Variants in GLT8D1 observed in about 807,000 individuals in gnomAD.
GLT8D1 encodes the protein glycosyltransferase 8 domain containing 1.
Under a neutral mutation model 46.2 loss-of-function variants are expected in GLT8D1, and 41 were observed. The observed-to-expected ratio is 0.89, with a 90% CI of 0.69 to 1.15. The LOEUF (loss-of-function observed/expected upper bound fraction) is 1.15, where lower values mean the gene tolerates loss of function less well. Ranked by LOEUF, GLT8D1 falls within the 50% of genes most tolerant of loss-of-function variation. GLT8D1 has a pLI of 0.00. For synonymous variants in GLT8D1, 150 were observed against 154.2 expected (o/e 0.97, Z 0.20); for missense variants, 408 against 449.3 (o/e 0.91, Z 0.83).
At chr3:52,698,969 G>C (rs2097336843) in intron 3 of GLT8D1, among the ~76,000 whole-genome samples, 1 of 152,120 alleles carries the variant, frequency 6.6e-6, no homozygotes, top group African/African-American at 2.4e-5. Flanking sequence ...CCATCAAAAA[G>C]TCTGAAAGCT....
intron 5 of GLT8D1, 22 bp downstream of exon 5, chr3:52,696,520 A>G: frequency 8.0e-7 from 1 of 1,253,332 alleles, no homozygotes; most frequent in East Asian, 2.3e-5. Flanking sequence ...GCCAAGTGCA[A>G]AGAAGGATGC....
At chr3:52,699,888 C>T (rs568198829) in intron 3 of GLT8D1, among the ~76,000 whole-genome samples, 57 of 152,200 alleles carry the variant, frequency 3.7e-4, no homozygotes, top group Non-Finnish European at 6.8e-4. Flanking sequence ...ATATACTGTG[C>T]GATATATTAT....
chr3:52,695,370 T>C (rs759453371), intron 8 of GLT8D1, 51 bp downstream of exon 8: 8 of 1,585,600 alleles, frequency 5.0e-6, no homozygotes, highest in African/African-American at 1.3e-5. Flanking sequence ...GTCAAGACTC[T>C]AGGAATTGAA....
chr3:52,700,802 G>A (rs979296180), intron 1 of GLT8D1: 1 of 197,796 alleles, frequency 5.1e-6, no homozygotes, highest in Non-Finnish European at 1.0e-5. Context: ...GCAGGGTCTG[G>A]CCTATAATCC....
At chr3:52,700,177 G>A in intron 3 of GLT8D1, 85 bp downstream of exon 3, 1 of 823,838 alleles carries the variant, frequency 1.2e-6, no homozygotes, top group South Asian at 1.6e-5. Flanking sequence ...AGTACTACCG[G>A]AAGAAGAACA....
In GLT8D1 at chr3:52,700,310, G is replaced by A. The variant is rs1432092749; in HGVS notation, c.67C>T (p.His23Tyr). The change falls in exon 3 of 10, where the codon CAC (histidine) becomes TAC (tyrosine). Residue 23 changes from histidine to tyrosine, a missense_variant. Coordinates refer to ENST00000266014, the MANE Select transcript of GLT8D1 (RefSeq NM_018446.4). ...LAVALFLLVL[H>Y]HNFLSLSSLL... ...CTGCTCAAGCTGAGGAAGTTATGGT[G>A]CAAAACCAGTAAGAAGAGAGCAACA... 6 of 1,613,636 alleles carry A rather than the reference G, an allele frequency of 3.7e-6. No homozygotes were observed. The South Asian group carries it at 6.6e-5, about 18-fold the overall frequency.
At chr3:52,696,735 C>A (rs2097334057) in intron 4 of GLT8D1, 76 bp from the exon 5 acceptor site, 2 of 811,256 alleles carry the variant, frequency 2.5e-6, no homozygotes, top group Non-Finnish European at 4.2e-6. Flanking sequence ...CAAAAGAAAC[C>A]CTATGGACCA....
intron 4 of GLT8D1, 149 bp downstream of exon 4, chr3:52,697,571 TA>T (rs910851510): frequency 7.6e-5 from 50 of 656,372 alleles, no homozygotes; most frequent in Admixed American, 1.4e-4. Flanking sequence ...AATACAGTCC[TA>T]AAAAAAATAT....
At chr3:52,698,289 A>C (rs898529218) in intron 3 of GLT8D1, among the ~76,000 whole-genome samples, 1 of 152,236 alleles carries the variant, frequency 6.6e-6, no homozygotes, top group African/African-American at 2.4e-5. Context: ...CAGCAAACTA[A>C]ATCAATGTTT....
At chr3:52,702,149 TA>T (rs2097339891) in intron 1 of GLT8D1, among the ~76,000 whole-genome samples, 1 of 152,206 alleles carries the variant, frequency 6.6e-6, no homozygotes, top group Non-Finnish European at 1.5e-5. Context: ...ACAGACAAAG[TA>T]AGTTTGAATT....
At position 52,694,901 on chromosome 3, in the gene GLT8D1, G is replaced by C; in HGVS notation, c.1060C>G (p.Pro354Ala). 4 of 1,611,654 alleles carry C rather than the reference G, an allele frequency of 2.5e-6. No homozygotes were observed. Among genetic ancestry groups the C allele is most frequent in the Non-Finnish European group, 3.4e-6 (4 of 1,177,730 alleles). The change falls in exon 10 of 10, where the codon CCA becomes GCA. Residue 354 changes from proline (P) to alanine (A), a missense_variant. By Grantham distance (27) the Pro-to-Ala change is conservative. Coordinates refer to ENST00000266014, the MANE Select transcript of GLT8D1 (RefSeq NM_018446.4). ...DVWEKWYIPDPTGKFNLIRRY... is the reference protein window; with the variant it reads ...DVWEKWYIPDATGKFNLIRRY... The stretch of plus-strand genomic sequence containing the variant: ...CGGATTAGGTTGAATTTGCCTGTTG[G>C]GTCTGGAATATACCATTTTTCCCAA...
intron 6 of GLT8D1, 51 bp downstream of exon 6, chr3:52,696,183 A>G (rs944044791): frequency 3.1e-6 from 4 of 1,306,558 alleles, no homozygotes; most frequent in Non-Finnish European, 4.4e-6. Context: ...TTATTTAGCA[A>G]TTGTACCCAA....
At chr3:52,695,108 C>T (rs1192647854) in intron 9 of GLT8D1, 73 bp from the exon 10 acceptor site, 7 of 1,431,712 alleles carry the variant, frequency 4.9e-6, no homozygotes, top group African/African-American at 1.4e-5. Context: ...TTAAGGGAAA[C>T]AAAGAATATA....
intron 6 of GLT8D1, 35 bp downstream of exon 6, chr3:52,696,199 G>A (rs897381004): frequency 2.9e-6 from 4 of 1,384,378 alleles, no homozygotes; most frequent in African/African-American, 1.4e-5. Context: ...CCCAATCTGG[G>A]TGGAGAACAG....
chr3:52,697,671 G>A (rs769229913), intron 4 of GLT8D1, 50 bp downstream of exon 4: 1 of 1,231,866 alleles, frequency 8.1e-7, no homozygotes, highest in Non-Finnish European at 1.2e-6. Context: ...TTGGCAGCTG[G>A]CCTGCTCTAA....
chr3:52,694,736 T>C lies in GLT8D1; in HGVS notation c.*109A>G, dbSNP rs1306709653. On this transcript the variant is annotated 3_prime_UTR_variant, in exon 10 of 10. Coordinates refer to ENST00000266014, the MANE Select transcript of GLT8D1 (RefSeq NM_018446.4). ...ATCTTTACCTAGCTGACACATCTTTTTCCATGGCTTGCTACCGATAGGCAT... is the reference window on the plus strand; with the variant it reads ...ATCTTTACCTAGCTGACACATCTTTCTCCATGGCTTGCTACCGATAGGCAT... 2.5e-6 allele frequency: 2 copies of C among 788,780 alleles called. No homozygotes were observed. The highest frequency in any genetic ancestry group is 3.9e-5 in the Admixed American group (2 of 51,536). The allele number at this position is 788,780 out of a possible 1,614,324, so 48.9% of individuals were successfully genotyped here. A position where few individuals can be genotyped will look rare whatever the true frequency, so the allele number is the denominator to read the frequency against.
chr3:52,701,689 T>A (rs1021748035), intron 1 of GLT8D1, among the ~76,000 whole-genome samples: 1 of 152,172 alleles, frequency 6.6e-6, no homozygotes, highest in Admixed American at 6.5e-5. Context: ...AAGGTGCTAT[T>A]CTCAAAAACC....
chr3:52,702,753 C>G (rs1299175141), intron 1 of GLT8D1, among the ~76,000 whole-genome samples: 1 of 149,948 alleles, frequency 6.7e-6, no homozygotes, highest in African/African-American at 2.5e-5. Flanking sequence ...GGCCAGATTA[C>G]AAATTAGGGG....
In GLT8D1 at chr3:52,695,004, CTG is replaced by C. The variant is rs763065244; in HGVS notation, c.955_956del (p.Gln319ValfsTer25). 4 of 1,612,888 alleles carry C rather than the reference CTG, an allele frequency of 2.5e-6. No individual in the cohort carries two copies. Among genetic ancestry groups the C allele is most frequent in the South Asian group, 1.1e-5 (1 of 91,064 alleles). On this transcript the variant is annotated frameshift_variant, in exon 10 of 10. Transcript: ENST00000266014. LOFTEE classifies it high-confidence loss of function. ...GSSAGKRYSP[Q>X]FVKAAKLLHW... is the part of the protein sequence containing the mutation. ...GGAGTAACTTGGCAGCCTTTACAAA[CTG>C]AGGTGAATATCGTTTTCCAGCACTG...
Sources: gnomAD v4.1 joint callset for allele counts (sites outside exome capture counted in the v4.1 genomes callset) on GRCh38, gnomAD v4.1.1 for gene constraint, MANE v1.5 for transcripts, NCBI Gene and HGNC (gene_info 2026-07-23, HGNC 2026-07-21) for gene names.